Variants in DENND2A observed in about 807,000 individuals in gnomAD.
The protein encoded by DENND2A is DENN domain containing 2A.
In DENND2A, 53 loss-of-function variants were observed where a neutral mutation model predicts 105.3. The ratio of observed to expected loss-of-function variants is 0.50; its 90% confidence interval spans 0.40 to 0.63. The LOEUF (loss-of-function observed/expected upper bound fraction) is 0.63, where lower values mean the gene tolerates loss of function less well. DENND2A is among the 30% of genes least tolerant of loss of function. DENND2A has a pLI of 0.00. For synonymous variants in DENND2A, 522 were observed against 508.4 expected, an observed-to-expected ratio of 1.03 and a Z score of -0.36; for missense variants, 1,138 against 1,279.6, an observed-to-expected ratio of 0.89 and a Z score of 1.69.
At chr7:140,540,907 G>A (rs1415080191) in intron 14 of DENND2A, among the ~76,000 whole-genome samples, 2 of 151,964 alleles carry the variant, frequency 1.3e-5, no homozygotes, top group Non-Finnish European at 2.9e-5. Flanking sequence ...TAGTAGAGAC[G>A]GGATTTCACC....
At chr7:140,561,380 T>C (rs1797605385) in intron 9 of DENND2A, among the ~76,000 whole-genome samples, 1 of 152,200 alleles carries the variant, frequency 6.6e-6, no homozygotes, top group South Asian at 2.1e-4. Context: ...AAATACATCA[T>C]GCTAAGGTTA....
chr7:140,521,764 C>T (rs1795867531), intron 18 of DENND2A, 91 bp downstream of exon 18: 2 of 1,562,774 alleles, frequency 1.3e-6, no homozygotes, highest in Non-Finnish European at 1.7e-6. Flanking sequence ...TGTCTGTGCC[C>T]CTGCCCTGTG....
At chr7:140,617,726 A>G (rs1358790724) in intron 1 of DENND2A, among the ~76,000 whole-genome samples, 1 of 152,158 alleles carries the variant, frequency 6.6e-6, no homozygotes, top group Non-Finnish European at 1.5e-5. Context: ...AACAACAACA[A>G]CAAAAACAAC....
chr7:140,602,382 A>G lies in DENND2A; in HGVS notation c.16T>C (p.Leu6=). The change falls in exon 3 of 20, where the codon TTG becomes CTG. Residue 6 remains leucine (L), a synonymous_variant. Transcript: ENST00000496613. MDMFS[L]DMIISDPAAE... is the part of the protein sequence containing the mutation. The stretch of plus-strand genomic sequence containing the variant: ...GCTGGGTCACTGATGATCATATCCA[A>G]GCTGAACATATCCATTCTTGACTCT... 6.3e-7 allele frequency: 1 copy of G among 1,576,468 alleles called. No homozygotes were observed. Among genetic ancestry groups the G allele is most frequent in the Non-Finnish European group, 8.6e-7 (1 of 1,165,026 alleles).
rs115018973 is a variant in DENND2A, at chr7:140,573,258, A to G, written c.1446+550T>C. On this transcript the variant is annotated intron_variant, in intron 6 of 19. Transcript: ENST00000496613. The stretch of plus-strand genomic sequence containing the variant: ...AGAGGAGAAATTCTGCCTACCCTAC[A>G]GTACCAAATTGGTCAATGAAGAGAG... Among the ~76,000 whole-genome samples, 1,246 of 152,360 alleles carry G rather than the reference A, an allele frequency of 8.2e-3. 20 individuals carry two copies. The highest frequency in any genetic ancestry group is 0.027 in the African/African-American group (1,131 of 41,600).
At chr7:140,615,120 C>T (rs1800036649) in intron 1 of DENND2A, among the ~76,000 whole-genome samples, 1 of 152,114 alleles carries the variant, frequency 6.6e-6, no homozygotes, top group Admixed American at 6.6e-5. Flanking sequence ...TCCTGCTTTG[C>T]CCTTCCAAAG....
chr7:140,588,611 T>G (rs1798882995), intron 3 of DENND2A, among the ~76,000 whole-genome samples: 1 of 152,104 alleles, frequency 6.6e-6, no homozygotes, highest in South Asian at 2.1e-4. Context: ...TTTTGTACCT[T>G]TTTGTAGAAC....
intron 12 of DENND2A, among the ~76,000 whole-genome samples, chr7:140,550,467 C>G (rs1370573944): frequency 6.6e-6 from 1 of 152,154 alleles, no homozygotes; most frequent in Non-Finnish European, 1.5e-5. Context: ...AAGCGATTCT[C>G]CTGCCTCAGC....
At chr7:140,553,415 C>G (rs1797221347) in intron 12 of DENND2A, among the ~76,000 whole-genome samples, 1 of 152,184 alleles carries the variant, frequency 6.6e-6, no homozygotes, top group African/African-American at 2.4e-5. Context: ...GGGTTTTATA[C>G]CGAGACATTC....
At chr7:140,571,647 G>C (rs1798100705) in intron 6 of DENND2A, among the ~76,000 whole-genome samples, 1 of 152,040 alleles carries the variant, frequency 6.6e-6, no homozygotes. Flanking sequence ...TAACAGCCAA[G>C]TGTCCATGGA....
chr7:140,579,935 C>T (rs942815652), intron 5 of DENND2A, among the ~76,000 whole-genome samples: 3 of 152,002 alleles, frequency 2.0e-5, no homozygotes, highest in African/African-American at 7.2e-5. Flanking sequence ...AGTTCAAGAC[C>T]AGCCTGGCCA....
intron 6 of DENND2A, 134 bp downstream of exon 6, chr7:140,573,674 G>T: frequency 9.6e-7 from 1 of 1,037,226 alleles, no homozygotes; most frequent in Non-Finnish European, 1.4e-6. Flanking sequence ...TGGCTTCACT[G>T]TGTCCCCCTG....
In DENND2A at chr7:140,584,233, C is replaced by T. The variant is rs556337034; in HGVS notation, c.1245+1356G>A. Among the ~76,000 whole-genome samples, 58 of 152,322 alleles carry T rather than the reference C, an allele frequency of 3.8e-4. 2 individuals carry two copies. In the South Asian group the frequency reaches 0.012, roughly 30 times the overall value. ...CTCCAGCCTGGGAGACAGAGCAAGA[C>T]TCCGTCTCAAAAAACAAAAACAAAA... On this transcript the variant is annotated intron_variant, in intron 5 of 19. Coordinates refer to ENST00000496613, the MANE Select transcript of DENND2A (RefSeq NM_015689.5).
At chr7:140,525,890 C>G (rs1164312808) in intron 15 of DENND2A, 98 bp from the exon 16 acceptor site, 8 of 1,042,522 alleles carry the variant, frequency 7.7e-6, no homozygotes, top group Non-Finnish European at 1.1e-5. Context: ...AGAGAGGCAG[C>G]TGGGGCGGGG....
At chr7:140,581,392 G>C (rs776499974) in intron 5 of DENND2A, among the ~76,000 whole-genome samples, 2 of 152,218 alleles carry the variant, frequency 1.3e-5, no homozygotes, top group Admixed American at 6.5e-5. Flanking sequence ...TTTCTGAGGA[G>C]AGCCTATCCA....
intron 11 of DENND2A, 69 bp from the exon 12 acceptor site, chr7:140,555,782 T>C: frequency 7.2e-7 from 1 of 1,384,164 alleles, no homozygotes; most frequent in Non-Finnish European, 9.9e-7. Flanking sequence ...ACCCACATGT[T>C]TTTTGCGAGA....
chr7:140,528,689 G>A (rs915948624), intron 14 of DENND2A, among the ~76,000 whole-genome samples: 1 of 151,818 alleles, frequency 6.6e-6, no homozygotes, highest in African/African-American at 2.4e-5. Flanking sequence ...GAACCCAGGA[G>A]GTGAAGGTTG....
intron 2 of DENND2A, 24 bp downstream of exon 2, chr7:140,605,681 C>G (rs991966199): frequency 6.6e-6 from 1 of 152,214 alleles, no homozygotes; most frequent in Non-Finnish European, 1.5e-5. Flanking sequence ...AGCGTCTACA[C>G]TCTCGGGGGA....
rs372090282 is a variant in DENND2A at position 140,598,229 on chromosome 7, A to G, written c.995+3174T>C. Among the ~76,000 whole-genome samples the G allele has an allele frequency of 1.2e-4, 19 of 152,370 alleles. 1 individual carries two copies. The highest frequency in any genetic ancestry group is 7.2e-4 in the Admixed American group (11 of 15,302). ...ATCAGAGCAGAAGAATCATATGATC[A>G]TCAGGAGTTTCTGAAAAGTACTTTA... On this transcript the variant is annotated intron_variant, in intron 3 of 19. Coordinates refer to ENST00000496613, the MANE Select transcript of DENND2A (RefSeq NM_015689.5).
Sources: gnomAD v4.1 joint callset for allele counts (sites outside exome capture counted in the v4.1 genomes callset) on GRCh38, gnomAD v4.1.1 for gene constraint, MANE v1.5 for transcripts, NCBI Gene and HGNC (gene_info 2026-07-23, HGNC 2026-07-21) for gene names.